The following KCNT2 variants were observed in gnomAD, a reference collection of about 807,000 sequenced individuals.
KCNT2 encodes potassium sodium-activated channel subfamily T member 2.
Under a neutral mutation model 153.8 loss-of-function variants are expected in KCNT2, and 67 were observed. The observed-to-expected ratio is 0.44, with a 90% confidence interval of 0.36 to 0.53. The LOEUF is 0.53. KCNT2 is among the 20% of genes least tolerant of loss of function. KCNT2 has a pLI of 0.00. For synonymous variants in KCNT2, 500 were observed against 458.8 expected (o/e 1.09, Z -1.15); for missense variants, 975 against 1,354.8 (o/e 0.72, Z 4.40).
intron 1 of KCNT2, among the ~76,000 whole-genome samples, chr1:196,553,942 G>C (rs1030768234): frequency 6.6e-6 from 1 of 151,034 alleles, no homozygotes; most frequent in Non-Finnish European, 1.5e-5. Context: ...GATAATGGAA[G>C]AACAACATAC....
intron 1 of KCNT2, among the ~76,000 whole-genome samples, chr1:196,579,586 C>T (rs190052993): frequency 3.3e-4 from 50 of 152,054 alleles, no homozygotes; most frequent in African/African-American, 1.1e-3. Flanking sequence ...CTCCTCCTCC[C>T]GGGTTCAAGT....
chr1:196,274,954 A>G (rs1201774183), intron 25 of KCNT2, among the ~76,000 whole-genome samples: 3 of 151,874 alleles, frequency 2.0e-5, no homozygotes, highest in African/African-American at 7.2e-5. Flanking sequence ...ACTATGTTAT[A>G]TGCTATATAG....
rs139309714 is a variant in KCNT2 at position 196,337,880 on chromosome 1, G to T, written c.1783+2461C>A. 5.3e-5 allele frequency among the ~76,000 whole-genome samples: 8 copies of T among 151,840 alleles called. No homozygotes were observed. The East Asian group carries it at 1.6e-3, about 30-fold the overall frequency. On this transcript the variant is annotated intron_variant, in intron 16 of 27. Transcript: ENST00000294725. ...TACTTATTTTTTTATATGTACTTTGGTTATCGCCTGTCTTCTCCATAATAG... is the reference window on the plus strand; with the variant it reads ...TACTTATTTTTTTATATGTACTTTGTTTATCGCCTGTCTTCTCCATAATAG...
chr1:196,488,668 T>G (rs1679621755), intron 3 of KCNT2, among the ~76,000 whole-genome samples: 2 of 151,926 alleles, frequency 1.3e-5, no homozygotes, highest in African/African-American at 4.8e-5. Flanking sequence ...CATGAACCAT[T>G]TTAATAACAC....
At chr1:196,606,257 C>G (rs1213620406) in intron 1 of KCNT2, among the ~76,000 whole-genome samples, 1 of 152,142 alleles carries the variant, frequency 6.6e-6, no homozygotes, top group Non-Finnish European at 1.5e-5. Flanking sequence ...CCCAAGGCCA[C>G]TCAGCTAGTG....
intron 20 of KCNT2, among the ~76,000 whole-genome samples, chr1:196,318,830 T>C (rs1428173080): frequency 6.6e-6 from 1 of 151,818 alleles, no homozygotes; most frequent in Non-Finnish European, 1.5e-5. Context: ...TGGTAAATTT[T>C]AGCATTTTAT....
At chr1:196,495,217 A>G (rs1309546309) in intron 1 of KCNT2, among the ~76,000 whole-genome samples, 1 of 152,152 alleles carries the variant, frequency 6.6e-6, no homozygotes, top group African/African-American at 2.4e-5. Flanking sequence ...TATACTGGGC[A>G]CAGAAAATGT....
intron 26 of KCNT2, among the ~76,000 whole-genome samples, chr1:196,248,301 A>G (rs1392736074): frequency 1.3e-5 from 2 of 152,106 alleles, no homozygotes; most frequent in Admixed American, 1.3e-4. Flanking sequence ...TAAAGGTATG[A>G]GCAGAAATAA....
intron 1 of KCNT2, among the ~76,000 whole-genome samples, chr1:196,504,489 G>T (rs1680966755): frequency 6.6e-6 from 1 of 151,976 alleles, no homozygotes; most frequent in Non-Finnish European, 1.5e-5. Context: ...TATCATTGTT[G>T]GACATTTGGC....
At chr1:196,522,840 G>A (rs113042856) in intron 1 of KCNT2, among the ~76,000 whole-genome samples, 246 of 152,188 alleles carry the variant, frequency 1.6e-3, no homozygotes, top group Middle Eastern at 6.8e-3. Context: ...GCACCAATCA[G>A]CACTCTGTAA....
rs1558135693 is a variant in KCNT2 at position 196,316,057 on chromosome 1, C to T, written c.2349-31G>A. 1.9e-6 allele frequency: 3 copies of T among 1,596,350 alleles called. No homozygotes were observed. The East Asian group carries it at 6.7e-5, about 36-fold the overall frequency. On this transcript the variant is annotated intron_variant, in intron 20 of 27. Transcript: ENST00000294725. Reference sequence around the variant, plus strand: ...ATAAAAATCAACAGAGAAAAACAAACATTAAATAAATCACAATGTTATAAT... The same window carrying T: ...ATAAAAATCAACAGAGAAAAACAAATATTAAATAAATCACAATGTTATAAT...
At chr1:196,308,856 A>C (rs893705589) in intron 21 of KCNT2, among the ~76,000 whole-genome samples, 1 of 152,032 alleles carries the variant, frequency 6.6e-6, no homozygotes, top group Non-Finnish European at 1.5e-5. Flanking sequence ...CATGTTTCCT[A>C]TATTAAAAAT....
chr1:196,559,971 T>C (rs1413566657), intron 1 of KCNT2, among the ~76,000 whole-genome samples: 1 of 151,922 alleles, frequency 6.6e-6, no homozygotes, highest in African/African-American at 2.4e-5. Flanking sequence ...TTTGTAATCT[T>C]AGGAAGGTTT....
At chr1:196,547,803 C>A (rs1657313103) in intron 1 of KCNT2, among the ~76,000 whole-genome samples, 1 of 151,218 alleles carries the variant, frequency 6.6e-6, no homozygotes, top group Non-Finnish European at 1.5e-5. Context: ...TGAAAAAAAG[C>A]AATACATCTT....
At chr1:196,533,437 A>G (rs970286664) in intron 1 of KCNT2, among the ~76,000 whole-genome samples, 1 of 152,144 alleles carries the variant, frequency 6.6e-6, no homozygotes, top group Non-Finnish European at 1.5e-5. Flanking sequence ...ATTCCAGAGA[A>G]GCAACTATAA....
chr1:196,328,438 C>A (rs1664101785), intron 18 of KCNT2, among the ~76,000 whole-genome samples: 1 of 151,592 alleles, frequency 6.6e-6, no homozygotes, highest in Non-Finnish European at 1.5e-5. Flanking sequence ...AAGAGAGAAT[C>A]AGAAAGAAAA....
rs181649445 is a variant in KCNT2, at chr1:196,552,206, C to A, written c.95+56009G>T. ...CCAATGGGAAATAATAAACAACAGT[C>A]TAATTATAAAATAACACTCTCCAAT... On this transcript the variant is annotated intron_variant, in intron 1 of 27. Transcript: ENST00000294725. Among the ~76,000 whole-genome samples, 56 of 151,420 alleles carry A rather than the reference C, an allele frequency of 3.7e-4. No homozygotes were observed. In the Middle Eastern group the frequency reaches 0.01, roughly 28 times the overall value.
In KCNT2 at chr1:196,482,783, A is replaced by G. The variant is rs1679115149; in HGVS notation, c.276-404T>C. 2.6e-5 allele frequency among the ~76,000 whole-genome samples: 4 copies of G among 152,244 alleles called. No individual in the cohort carries two copies. The South Asian group carries it at 8.3e-4, about 32-fold the overall frequency. On this transcript the variant is annotated intron_variant, in intron 3 of 27. Coordinates refer to ENST00000294725, the MANE Select transcript of KCNT2 (RefSeq NM_198503.5). Reference sequence around the variant, plus strand: ...ATACAACAGTATAAATAACCAGAAAAAAATCAGTAACAGAGTATACAACAC... The same window carrying G: ...ATACAACAGTATAAATAACCAGAAAGAAATCAGTAACAGAGTATACAACAC...
chr1:196,491,390 C>T (rs1182829058), intron 2 of KCNT2, among the ~76,000 whole-genome samples: 1 of 151,944 alleles, frequency 6.6e-6, no homozygotes, highest in Non-Finnish European at 1.5e-5. Flanking sequence ...TGGACAACTT[C>T]CCACAAGTCA....
Sources: gnomAD v4.1 joint callset for allele counts (sites outside exome capture counted in the v4.1 genomes callset) on GRCh38, gnomAD v4.1.1 for gene constraint, MANE v1.5 for transcripts, NCBI Gene and HGNC (gene_info 2026-07-23, HGNC 2026-07-21) for gene names.